TBL1XR1: variants seen among roughly 807,000 people sequenced by gnomAD.
TBL1XR1 encodes the protein TBL1X/Y related 1.
In TBL1XR1, 5 loss-of-function variants were observed where a neutral mutation model predicts 66.9. That is an observed-to-expected ratio of 0.07 (90% confidence interval 0.04 to 0.16). The LOEUF is 0.16. Ranked by LOEUF, TBL1XR1 falls within the 10% of genes least tolerant of loss-of-function variation. TBL1XR1 has a pLI of 1.00. For missense variants in TBL1XR1, 238 were observed against 623.2 expected (o/e 0.38, Z 6.58); for synonymous variants, 210 against 206.0 (o/e 1.02, Z -0.17).
chr3:177,127,068 G>A (rs1489666742), intron 1 of TBL1XR1, among the ~76,000 whole-genome samples: 1 of 152,128 alleles, frequency 6.6e-6, no homozygotes, highest in Non-Finnish European at 1.5e-5. Flanking sequence ...GTTTTAAAGA[G>A]TAATCTGCCA....
intron 1 of TBL1XR1, among the ~76,000 whole-genome samples, chr3:177,111,122 A>C (rs1205075437): frequency 1.3e-5 from 2 of 152,016 alleles, no homozygotes; most frequent in Non-Finnish European, 2.9e-5. Context: ...GCAATCCAGG[A>C]GCTATTGTCT....
chr3:177,197,145 G>T lies in TBL1XR1; in HGVS notation c.-146C>A, dbSNP rs2109030118. The T allele has an allele frequency of 6.5e-6, 1 of 152,918 alleles. No individual in the cohort carries two copies. The highest frequency in any genetic ancestry group is 1.9e-4 in the South Asian group (1 of 5,400). The allele number at this position is 152,918 out of a possible 1,614,324, so 9.5% of individuals were successfully genotyped here. The stretch of plus-strand genomic sequence containing the variant: ...CCTGGAAACGGTGGCCTCCAACGCC[G>T]CTCCCCCCTCCCGGGAATGGAGGCA... On this transcript the variant is annotated 5_prime_UTR_variant, in exon 1 of 16. Transcript: ENST00000457928.
chr3:177,112,107 A>ATATATTTTTTTTTT, intron 1 of TBL1XR1, among the ~76,000 whole-genome samples: 4 of 37,666 alleles, frequency 1.1e-4, no homozygotes, highest in Admixed American at 4.0e-4. Context: ...ATATATATAT[A>ATATATTTTTTTTTT]TTTTTTTTTT....
rs989934159 is a variant in TBL1XR1, at chr3:177,136,645, T to A, written c.-121-38104A>T. 2.6e-5 allele frequency among the ~76,000 whole-genome samples: 4 copies of A among 152,224 alleles called. No homozygotes were observed. In the East Asian group the frequency reaches 5.8e-4, roughly 22 times the overall value. On this transcript the variant is annotated intron_variant, in intron 1 of 15. Coordinates refer to ENST00000457928, the MANE Select transcript of TBL1XR1 (RefSeq NM_024665.7). Reference sequence around the variant, plus strand: ...TTGGAGTAGTAAAAATCTATCATAATGTCCTACATTATCAAAAATAGATAA... The same window carrying A: ...TTGGAGTAGTAAAAATCTATCATAAAGTCCTACATTATCAAAAATAGATAA...
chr3:177,055,682 G>T (rs1323904303), intron 3 of TBL1XR1, among the ~76,000 whole-genome samples: 1 of 151,966 alleles, frequency 6.6e-6, no homozygotes, highest in Non-Finnish European at 1.5e-5. Flanking sequence ...GAGGGAGGAT[G>T]GGGAGAAACA....
intron 2 of TBL1XR1, among the ~76,000 whole-genome samples, chr3:177,088,334 AATT>A: frequency 6.6e-6 from 1 of 152,272 alleles, no homozygotes; most frequent in African/African-American, 2.4e-5. Flanking sequence ...TCATGCACAA[AATT>A]ATTTAAAATA....
rs1717053966 is a variant in TBL1XR1 at position 177,051,314 on chromosome 3, AGAG to A, written c.427+187_427+189del. Among the ~76,000 whole-genome samples, 4 of 152,060 alleles carry A rather than the reference AGAG, an allele frequency of 2.6e-5. No individual in the cohort carries two copies. In the South Asian group the frequency reaches 6.2e-4, roughly 24 times the overall value. ...TCCTGGGGGGTGGAGGGTGGGAGGA[AGAG>A]GAGGATCAGAAAAAATAACTATTGG... is the stretch of plus-strand genomic sequence containing the variant. On this transcript the variant is annotated intron_variant, in intron 5 of 15. Coordinates refer to ENST00000457928, the MANE Select transcript of TBL1XR1 (RefSeq NM_024665.7).
intron 14 of TBL1XR1, among the ~76,000 whole-genome samples, chr3:177,028,300 AAAGT>A (rs1713446913): frequency 2.0e-5 from 3 of 152,336 alleles, no homozygotes; most frequent in African/African-American, 7.2e-5. Flanking sequence ...AAAGTTTGAA[AAAGT>A]AAGACTTTTG....
At chr3:177,106,617 AAAAT>A (rs1277982668) in intron 1 of TBL1XR1, among the ~76,000 whole-genome samples, 2 of 152,196 alleles carry the variant, frequency 1.3e-5, no homozygotes, top group Non-Finnish European at 2.9e-5. Flanking sequence ...TTTCATCTGT[AAAAT>A]AAGTTAGGAG....
intron 3 of TBL1XR1, among the ~76,000 whole-genome samples, chr3:177,063,501 A>C (rs1718773976): frequency 6.6e-6 from 1 of 152,238 alleles, no homozygotes; most frequent in Admixed American, 6.5e-5. Context: ...TAAATTTAAA[A>C]GCAGAAAGAA....
intron 1 of TBL1XR1, among the ~76,000 whole-genome samples, chr3:177,152,058 T>C (rs561899293): frequency 1.3e-5 from 2 of 152,296 alleles, no homozygotes; most frequent in South Asian, 4.1e-4. Context: ...GAATACAATT[T>C]GTTCCAAGTT....
At chr3:177,036,314 C>CCTG (rs1198471913) in intron 12 of TBL1XR1, among the ~76,000 whole-genome samples, 1 of 152,216 alleles carries the variant, frequency 6.6e-6, no homozygotes, top group African/African-American at 2.4e-5. Context: ...GTTCTCTAAG[C>CCTG]ATCAGTCCCA....
At chr3:177,101,006 C>A (rs984409425) in intron 1 of TBL1XR1, among the ~76,000 whole-genome samples, 1 of 152,142 alleles carries the variant, frequency 6.6e-6, no homozygotes, top group Admixed American at 6.5e-5. Flanking sequence ...CCGGCACGCG[C>A]CACTACACCT....
intron 2 of TBL1XR1, among the ~76,000 whole-genome samples, chr3:177,080,584 C>CT (rs1297038873): frequency 6.6e-6 from 1 of 152,128 alleles, no homozygotes; most frequent in Non-Finnish European, 1.5e-5. Flanking sequence ...AAATAGAAAT[C>CT]TGGCTTCTCC....
At chr3:177,135,837 G>GT (rs201460982) in intron 1 of TBL1XR1, among the ~76,000 whole-genome samples, 3,210 of 148,148 alleles carry the variant, frequency 0.022, 97 homozygotes, top group African/African-American at 0.072. Context: ...GTGGAAGGCT[G>GT]TTTTTTTTTT....
intron 1 of TBL1XR1, among the ~76,000 whole-genome samples, chr3:177,180,074 T>C (rs1734619556): frequency 1.3e-5 from 2 of 151,364 alleles, no homozygotes. Flanking sequence ...CTATCTCTAC[T>C]AAAATACAAA....
intron 14 of TBL1XR1, chr3:177,027,772 C>T (rs1248743345): frequency 1.3e-5 from 2 of 152,148 alleles, no homozygotes; most frequent in Non-Finnish European, 2.9e-5. Flanking sequence ...TGACACATTG[C>T]TACTGATTAT....
intron 1 of TBL1XR1, among the ~76,000 whole-genome samples, chr3:177,136,699 G>A (rs1729036895): frequency 6.6e-6 from 1 of 152,162 alleles, no homozygotes; most frequent in Admixed American, 6.5e-5. Context: ...CACATGAAAA[G>A]GCATTTGGGG....
intron 1 of TBL1XR1, among the ~76,000 whole-genome samples, chr3:177,147,823 G>T (rs577348921): frequency 2.0e-5 from 3 of 152,290 alleles, no homozygotes; most frequent in Admixed American, 1.3e-4. Flanking sequence ...CCCACAAATA[G>T]GAGGTCCTGT....
Sources: allele counts gnomAD v4.1 joint callset (sites outside exome capture counted in the v4.1 genomes callset), GRCh38; gene constraint gnomAD v4.1.1; transcripts MANE v1.5; gene names NCBI Gene and HGNC (gene_info 2026-07-23, HGNC 2026-07-21).